The following TMEM230 variants were observed in gnomAD, a reference collection of about 807,000 sequenced individuals.
TMEM230 encodes the protein UPF0414 transmembrane protein C20orf30.
TMEM230 carries 10 observed loss-of-function variants against 15.8 expected under a neutral mutation model. The ratio of observed to expected loss-of-function variants is 0.63; its 90% confidence interval spans 0.39 to 1.07. TMEM230 has a LOEUF of 1.07. Ranked by LOEUF, TMEM230 falls within the 50% of genes least tolerant of loss-of-function variation. The pLI is 0.01. For missense variants in TMEM230, 165 were observed against 193.3 expected (o/e 0.85, Z 0.87); for synonymous variants, 67 against 76.9 (o/e 0.87, Z 0.68).
At chr20:5,078,521 AATCTAG>A (rs2089073551) in intron 3 of TMEM230, among the ~76,000 whole-genome samples, 1 of 152,266 alleles carries the variant, frequency 6.6e-6, no homozygotes, top group Non-Finnish European at 1.5e-5. Context: ...GAAACCCCCA[AATCTAG>A]TGGCTTAACA....
downstream of TMEM230, among the ~76,000 whole-genome samples, chr20:5,096,515 A>G (rs149633197): frequency 2.5e-3 from 387 of 152,320 alleles, 3 homozygotes; most frequent in African/African-American, 8.9e-3. Context: ...GGACCCTTCA[A>G]AGGTAAGCAG....
At chr20:5,103,838 A>G (rs187821091) in intron 4 of TMEM230, among the ~76,000 whole-genome samples, 1 of 152,300 alleles carries the variant, frequency 6.6e-6, no homozygotes, top group Admixed American at 6.5e-5. Context: ...TGAAACTACT[A>G]TAAGAAAACA....
At chr20:5,079,645 C>T (rs1043349043) in intron 3 of TMEM230, among the ~76,000 whole-genome samples, 1 of 152,088 alleles carries the variant, frequency 6.6e-6, no homozygotes, top group African/African-American at 2.4e-5. Flanking sequence ...CCAGCTTTTA[C>T]TAGTGTAATG....
At chr20:5,111,752 G>A in intron 1 of TMEM230, 1 of 977,308 alleles carries the variant, frequency 1.0e-6, no homozygotes, top group Non-Finnish European at 1.2e-6. Flanking sequence ...AATAATGGTG[G>A]TTAGTACTTA....
rs187070116 is a variant in TMEM230, at chr20:5,085,437, C to T, written c.223-16088G>A. 1.2e-3 allele frequency among the ~76,000 whole-genome samples: 183 copies of T among 152,204 alleles called. 1 individual carries two copies. The highest frequency in any genetic ancestry group is 3.4e-3 in the Middle Eastern group (1 of 294). On this transcript the variant is annotated intron_variant, in intron 3 of 3. Coordinates refer to the TMEM230 transcript ENST00000612323. The stretch of plus-strand genomic sequence containing the variant: ...CTGAGTAGCTGGAATTACAGGCATG[C>T]GCCACCATGCCCTGCTAATTTTTGT...
At chr20:5,092,088 T>TG (rs2089523994) in intron 3 of TMEM230, among the ~76,000 whole-genome samples, 1 of 152,234 alleles carries the variant, frequency 6.6e-6, no homozygotes, top group South Asian at 2.1e-4. Context: ...ACTTTGTGCC[T>TG]GCCTCCTTTG....
chr20:5,112,697 A>C, intron 1 of TMEM230: 1 of 1,417,010 alleles, frequency 7.1e-7, no homozygotes, highest in South Asian at 1.5e-5. Flanking sequence ...AACGTTTGGC[A>C]CACAGTGCCT....
chr20:5,078,604 A>G (rs2089077445), intron 3 of TMEM230, among the ~76,000 whole-genome samples: 1 of 152,188 alleles, frequency 6.6e-6, no homozygotes, highest in Non-Finnish European at 1.5e-5. Flanking sequence ...TCTGTTGTGC[A>G]TCACGATCAC....
At chr20:5,062,132 G>C in the TMEM230 span, among the ~76,000 whole-genome samples, 1 of 151,840 alleles carries the variant, frequency 6.6e-6, no homozygotes, top group Admixed American at 6.6e-5. Context: ...TGTGGTGAGA[G>C]AATCGCTTGA....
intron 3 of TMEM230, among the ~76,000 whole-genome samples, chr20:5,082,922 G>GTTTTTTTTTTTT (rs140284230): frequency 3.1e-5 from 4 of 127,256 alleles, no homozygotes; most frequent in Non-Finnish European, 3.3e-5. Flanking sequence ...TCTTCATATT[G>GTTTTTTTTTTTT]TTTTTTTTTT....
At chr20:5,106,455 G>C (rs1306936287) in intron 3 of TMEM230, 145 bp from the exon 3 acceptor site, 4 of 995,572 alleles carry the variant, frequency 4.0e-6, no homozygotes, top group South Asian at 1.8e-5. Context: ...CCAGGCTAGA[G>C]AGCAATGGCG....
intron 4 of TMEM230, among the ~76,000 whole-genome samples, chr20:5,101,181 GCTCTTAGTTGT>G (rs1422128522): frequency 1.3e-5 from 2 of 151,956 alleles, no homozygotes; most frequent in Non-Finnish European, 2.9e-5. Flanking sequence ...TTTTTTTAAA[GCTCTTAGTTGT>G]GAACACACCA....
chr20:5,111,694 G>C (rs1024333069), intron 1 of TMEM230: 20 of 655,292 alleles, frequency 3.1e-5, no homozygotes, highest in Non-Finnish European at 3.7e-5. Context: ...AAAAGGACTA[G>C]TTTTTCTCTG....
chr20:5,067,018 C>T (rs1192592411), downstream of TMEM230, among the ~76,000 whole-genome samples: 1 of 152,112 alleles, frequency 6.6e-6, no homozygotes, highest in African/African-American at 2.4e-5. Context: ...TGGATAGTTT[C>T]TTTGGAAAGG....
intron 3 of TMEM230, among the ~76,000 whole-genome samples, chr20:5,077,442 C>T (rs2326589): frequency 0.47 from 71,073 of 151,806 alleles, 18,139 homozygotes; most frequent in East Asian, 0.84. Flanking sequence ...TGGTGGCTGA[C>T]GCCTGTAATC....
chr20:5,084,864 G>A (rs2089292037), intron 3 of TMEM230, among the ~76,000 whole-genome samples: 1 of 152,170 alleles, frequency 6.6e-6, no homozygotes, highest in Non-Finnish European at 1.5e-5. Flanking sequence ...TATGTACCAC[G>A]TTTTCTTTAT....
chr20:5,107,852 C>T (rs999282387), intron 3 of TMEM230, among the ~76,000 whole-genome samples: 5 of 151,026 alleles, frequency 3.3e-5, no homozygotes, highest in African/African-American at 1.2e-4. Flanking sequence ...TGACTCACGC[C>T]TGTAATTCCA....
rs1005794203 is a variant in TMEM230 at position 5,087,077 on chromosome 20, T to C, written c.223-17728A>G. Among the ~76,000 whole-genome samples the C allele has an allele frequency of 3.9e-5, 6 of 152,202 alleles. No individual in the cohort carries two copies. The East Asian group carries it at 1.2e-3, about 29-fold the overall frequency. ...TTTGTAGAGATGAGGTCTTGCTATT[T>C]TGCCCAGGCTGGTCTCGAACTCACA... On this transcript the variant is annotated intron_variant, in intron 3 of 3. Coordinates refer to the TMEM230 transcript ENST00000612323.
chr20:5,060,092 T>C, the TMEM230 span, among the ~76,000 whole-genome samples: 1 of 151,926 alleles, frequency 6.6e-6, no homozygotes, highest in African/African-American at 2.4e-5. Flanking sequence ...TTTAATCTTC[T>C]GTAGTGATGA....
Sources: gnomAD v4.1 joint callset for allele counts (sites outside exome capture counted in the v4.1 genomes callset) on GRCh38, gnomAD v4.1.1 for gene constraint, MANE v1.5 for transcripts, NCBI Gene and HGNC (gene_info 2026-07-23, HGNC 2026-07-21) for gene names.